The following PPFIA2 variants were observed in gnomAD, a reference collection of about 807,000 sequenced individuals.
The protein encoded by PPFIA2 is liprin-alpha-2.
Under a neutral mutation model 175.5 loss-of-function variants are expected in PPFIA2, and 46 were observed. The ratio of observed to expected loss-of-function variants is 0.26; its 90% CI spans 0.21 to 0.34. PPFIA2 has a LOEUF of 0.34. Among genes scored for constraint, PPFIA2 ranks in the 10% least tolerant of loss-of-function variants. The pLI is 1.00. For synonymous variants in PPFIA2, 568 were observed against 511.4 expected, an observed-to-expected ratio of 1.11 and a Z score of -1.49; for missense variants, 1,179 against 1,506.1, an observed-to-expected ratio of 0.78 and a Z score of 3.60.
At position 81,662,620 on chromosome 12, in the gene PPFIA2, G is replaced by T. The variant is rs191184127; in HGVS notation, c.303+14171C>A. Among the ~76,000 whole-genome samples the T allele has an allele frequency of 1.6e-4, 24 of 152,244 alleles. No homozygotes were observed. In the East Asian group the frequency reaches 3.9e-3, roughly 25 times the overall value. ...GATTCACAGCCGAATTCTACCAGAG[G>T]TACAAGGAGGAGCTGGTACCATTCC... On this transcript the variant is annotated intron_variant, in intron 4 of 32. Coordinates refer to ENST00000549396, the MANE Select transcript of PPFIA2 (RefSeq NM_003625.5).
intron 4 of PPFIA2, among the ~76,000 whole-genome samples, chr12:81,602,318 T>C (rs2059880070): frequency 6.6e-6 from 1 of 151,850 alleles, no homozygotes; most frequent in African/African-American, 2.4e-5. Flanking sequence ...GTTTTATCTT[T>C]TTTAAACTAG....
At chr12:81,418,952 A>G (rs905655217) in intron 7 of PPFIA2, among the ~76,000 whole-genome samples, 1 of 152,006 alleles carries the variant, frequency 6.6e-6, no homozygotes, top group African/African-American at 2.4e-5. Flanking sequence ...AACAGTTGAG[A>G]GAACACAGAA....
chr12:81,469,180 G>C (rs2056293570), intron 4 of PPFIA2, among the ~76,000 whole-genome samples: 2 of 152,136 alleles, frequency 1.3e-5, no homozygotes, highest in African/African-American at 2.4e-5. Context: ...TAGAGAAGGA[G>C]CTTGCCCTTG....
At chr12:81,632,538 T>C (rs1001052905) in intron 4 of PPFIA2, among the ~76,000 whole-genome samples, 5 of 152,098 alleles carry the variant, frequency 3.3e-5, no homozygotes, top group Non-Finnish European at 1.5e-5. Flanking sequence ...CATATATACA[T>C]GTAATAGTTT....
chr12:81,645,774 A>G (rs2065972938), intron 4 of PPFIA2, among the ~76,000 whole-genome samples: 1 of 152,206 alleles, frequency 6.6e-6, no homozygotes, highest in South Asian at 2.1e-4. Context: ...AAAAATTCTT[A>G]AGACCTAGCG....
intron 24 of PPFIA2, 26 bp downstream of exon 24, chr12:81,294,809 A>T: frequency 6.2e-7 from 1 of 1,605,444 alleles, no homozygotes; most frequent in Non-Finnish European, 8.5e-7. Flanking sequence ...AGCACTGAGG[A>T]AGGGGAGGAG....
chr12:81,548,714 G>T (rs1052531264), intron 4 of PPFIA2, among the ~76,000 whole-genome samples: 1 of 152,034 alleles, frequency 6.6e-6, no homozygotes, highest in Non-Finnish European at 1.5e-5. Context: ...TTTAAAGCTT[G>T]TATGTAAAAA....
chr12:81,457,122 T>TTG (rs1205847595), intron 5 of PPFIA2, among the ~76,000 whole-genome samples: 2 of 151,884 alleles, frequency 1.3e-5, no homozygotes, highest in East Asian at 3.9e-4. Flanking sequence ...TAGCTGGGAC[T>TTG]GCAGGTGCGT....
chr12:81,665,079 C>A (rs11114971), intron 4 of PPFIA2, among the ~76,000 whole-genome samples: 1 of 151,788 alleles, frequency 6.6e-6, no homozygotes, highest in Admixed American at 6.6e-5. Flanking sequence ...GGAGATATAC[C>A]TAATGTAAAT....
At chr12:81,627,994 A>G (rs2062922089) in intron 4 of PPFIA2, among the ~76,000 whole-genome samples, 1 of 152,164 alleles carries the variant, frequency 6.6e-6, no homozygotes, top group South Asian at 2.1e-4. Flanking sequence ...ATTATTCAAT[A>G]AATACAATAC....
At chr12:81,345,718 G>A (rs2058957086) in intron 18 of PPFIA2, among the ~76,000 whole-genome samples, 1 of 152,108 alleles carries the variant, frequency 6.6e-6, no homozygotes, top group Admixed American at 6.5e-5. Flanking sequence ...TCTTACTATA[G>A]GTTTGGTACT....
intron 6 of PPFIA2, among the ~76,000 whole-genome samples, chr12:81,445,354 T>A (rs1256498566): frequency 1.3e-5 from 2 of 152,074 alleles, no homozygotes; most frequent in African/African-American, 4.8e-5. Flanking sequence ...TTCAGTGGTT[T>A]AGAAAAAGAA....
At chr12:81,432,539 C>T (rs977610171) in intron 7 of PPFIA2, among the ~76,000 whole-genome samples, 1 of 150,940 alleles carries the variant, frequency 6.6e-6, no homozygotes, top group Non-Finnish European at 1.5e-5. Flanking sequence ...GATCTTGGCC[C>T]AATGCAACCT....
chr12:81,739,028 C>A, intron 3 of PPFIA2, among the ~76,000 whole-genome samples: 1 of 151,880 alleles, frequency 6.6e-6, no homozygotes, highest in East Asian at 1.9e-4. Flanking sequence ...AAAGGCTCAA[C>A]TGGCCACGAA....
intron 4 of PPFIA2, among the ~76,000 whole-genome samples, chr12:81,658,222 C>A (rs952913645): frequency 1.4e-5 from 2 of 145,708 alleles, no homozygotes; most frequent in African/African-American, 5.2e-5. Flanking sequence ...GAGCCCAGAT[C>A]GTGCCATTGC....
At chr12:81,739,718 A>G (rs528425874) in intron 3 of PPFIA2, among the ~76,000 whole-genome samples, 44 of 152,238 alleles carry the variant, frequency 2.9e-4, no homozygotes, top group Non-Finnish European at 5.4e-4. Context: ...AGTGGACATA[A>G]AAAGAGAAAA....
In PPFIA2 at chr12:81,457,867, C is replaced by A; in HGVS notation, c.304-1G>T. Reference sequence around the variant, plus strand: ...ATTCTTTTGTCAGTGCAGCAAATTCCTGGAAAAGTAATAAAAATATTTGAA... The same window carrying A: ...ATTCTTTTGTCAGTGCAGCAAATTCATGGAAAAGTAATAAAAATATTTGAA... On this transcript the variant is annotated splice_acceptor_variant, in intron 4 of 32. Coordinates refer to ENST00000549396, the MANE Select transcript of PPFIA2 (RefSeq NM_003625.5). LOFTEE classifies it high-confidence loss of function. 2 of 1,554,580 alleles carry A rather than the reference C, an allele frequency of 1.3e-6. No homozygotes were observed. The highest frequency in any genetic ancestry group is 1.7e-6 in the Non-Finnish European group (2 of 1,147,664).
intron 4 of PPFIA2, among the ~76,000 whole-genome samples, chr12:81,572,200 C>T (rs2072679622): frequency 6.6e-6 from 1 of 151,888 alleles, no homozygotes; most frequent in Non-Finnish European, 1.5e-5. Context: ...CCTAATCTCC[C>T]TACTTCTATC....
chr12:81,505,271 T>TAAAAA (rs575686286), intron 4 of PPFIA2, among the ~76,000 whole-genome samples: 54 of 127,454 alleles, frequency 4.2e-4, no homozygotes, highest in Admixed American at 1.9e-3. Context: ...AAAGTATAAT[T>TAAAAA]AAAAAAAAAA....
Sources: gnomAD v4.1 joint callset for allele counts (sites outside exome capture counted in the v4.1 genomes callset) on GRCh38, gnomAD v4.1.1 for gene constraint, MANE v1.5 for transcripts, NCBI Gene and HGNC (gene_info 2026-07-23, HGNC 2026-07-21) for gene names.